TMEM108: variants seen among roughly 807,000 people sequenced by gnomAD.
The protein encoded by TMEM108 is cancer/testis antigen 124.
In TMEM108, 12 loss-of-function variants were observed where a neutral mutation model predicts 35.1. That is an observed-to-expected ratio of 0.34 (90% confidence interval 0.22 to 0.55). The LOEUF is 0.55. Among genes scored for constraint, TMEM108 ranks in the 20% least tolerant of loss-of-function variants. The probability of loss-of-function intolerance (pLI) is 0.89; values close to 1 mark genes in which losing one functional copy is unlikely to be tolerated. For synonymous variants in TMEM108, 287 were observed against 308.6 expected, an observed-to-expected ratio of 0.93 and a Z score of 0.73; for missense variants, 680 against 753.3, an observed-to-expected ratio of 0.90 and a Z score of 1.14.
At chr3:133,271,381 T>A (rs1266841550) in intron 3 of TMEM108, among the ~76,000 whole-genome samples, 1 of 152,242 alleles carries the variant, frequency 6.6e-6, no homozygotes, top group Non-Finnish European at 1.5e-5. Context: ...ACCTTTTCAA[T>A]ACTATGTTCA....
chr3:133,359,984 G>A (rs2072293992), intron 3 of TMEM108, among the ~76,000 whole-genome samples: 1 of 129,806 alleles, frequency 7.7e-6, no homozygotes, highest in East Asian at 2.6e-4. Context: ...TCATATCCCT[G>A]TAATGGAATA....
intron 3 of TMEM108, among the ~76,000 whole-genome samples, chr3:133,235,014 G>A (rs1262537090): frequency 7.3e-5 from 11 of 150,920 alleles, no homozygotes; most frequent in East Asian, 1.9e-4. Flanking sequence ...TGCTTCAAAG[G>A]GAATAAAATA....
chr3:133,369,318 G>A (rs1017077333), intron 3 of TMEM108, among the ~76,000 whole-genome samples: 3 of 152,320 alleles, frequency 2.0e-5, no homozygotes, highest in South Asian at 2.1e-4. Context: ...CATCATCACC[G>A]AGCAGGAAGG....
intron 2 of TMEM108, among the ~76,000 whole-genome samples, chr3:133,115,939 A>T (rs1458392682): frequency 6.6e-6 from 1 of 152,182 alleles, no homozygotes; most frequent in Non-Finnish European, 1.5e-5. Flanking sequence ...TGTCTTATTC[A>T]ACTGATTTCA....
At chr3:133,046,715 T>C (rs1943344093) in intron 2 of TMEM108, among the ~76,000 whole-genome samples, 1 of 152,174 alleles carries the variant, frequency 6.6e-6, no homozygotes, top group South Asian at 2.1e-4. Flanking sequence ...ATTAACTGTT[T>C]GGTGTGGAAA....
intron 4 of TMEM108, among the ~76,000 whole-genome samples, chr3:133,385,533 C>T (rs2073126398): frequency 6.6e-6 from 1 of 152,232 alleles, no homozygotes; most frequent in Non-Finnish European, 1.5e-5. Flanking sequence ...CCTCAGCCTC[C>T]AAAGGAGGGA....
At chr3:133,230,488 T>G (rs1013429663) in intron 3 of TMEM108, among the ~76,000 whole-genome samples, 1 of 152,190 alleles carries the variant, frequency 6.6e-6, no homozygotes, top group African/African-American at 2.4e-5. Flanking sequence ...TGTTGCTTTT[T>G]AAAAAATGAT....
chr3:133,118,801 A>C (rs1467397040), intron 2 of TMEM108, among the ~76,000 whole-genome samples: 1 of 152,142 alleles, frequency 6.6e-6, no homozygotes, highest in Non-Finnish European at 1.5e-5. Context: ...AGGGTGTTTC[A>C]GTTTACCGTA....
At chr3:133,219,138 C>T (rs116661630) in intron 2 of TMEM108, among the ~76,000 whole-genome samples, 1,967 of 152,168 alleles carry the variant, frequency 0.013, 26 homozygotes, top group Non-Finnish European at 0.019. Context: ...GAAGTTTATC[C>T]ATTTCTTCTA....
chr3:133,306,016 A>G (rs1304218023), intron 3 of TMEM108, among the ~76,000 whole-genome samples: 1 of 152,074 alleles, frequency 6.6e-6, no homozygotes, highest in African/African-American at 2.4e-5. Context: ...TGTTATGCAG[A>G]TATTTTCTCC....
chr3:133,166,191 G>A (rs1174087922), intron 2 of TMEM108, among the ~76,000 whole-genome samples: 3 of 152,182 alleles, frequency 2.0e-5, no homozygotes, highest in Non-Finnish European at 4.4e-5. Flanking sequence ...GTTTTTGTTG[G>A]AGGGTAGGGT....
At chr3:133,066,267 G>C (rs1943606037) in intron 2 of TMEM108, among the ~76,000 whole-genome samples, 1 of 152,024 alleles carries the variant, frequency 6.6e-6, no homozygotes, top group African/African-American at 2.4e-5. Flanking sequence ...TGTTGTGTGT[G>C]CCTGGTTGCA....
Position 133,395,941 on chromosome 3 carries a change from T to C in TMEM108, c.1683T>C (p.Cys561=). 2.5e-6 allele frequency: 4 copies of C among 1,606,848 alleles called. No individual in the cohort carries two copies. The highest frequency in any genetic ancestry group is 3.4e-6 in the Non-Finnish European group (4 of 1,177,014). ...DTGMVLVNPF[C]QETLFVGNDQ... ...GGATGGTCCTTGTTAACCCCTTCTG[T>C]CAAGAAACACTGTTTGTGGGAAACG... is the stretch of plus-strand genomic sequence containing the variant. The change falls in exon 6 of 6, where the codon TGT becomes TGC. Residue 561 remains cysteine, a synonymous_variant. Transcript: ENST00000321871.
chr3:133,308,537 C>T (rs1393108417), intron 3 of TMEM108, among the ~76,000 whole-genome samples: 3 of 152,136 alleles, frequency 2.0e-5, no homozygotes, highest in Non-Finnish European at 4.4e-5. Flanking sequence ...TATGTTCCAT[C>T]AATACCTAGT....
chr3:133,370,937 G>A (rs2072650072), intron 3 of TMEM108, among the ~76,000 whole-genome samples: 1 of 131,688 alleles, frequency 7.6e-6, no homozygotes, highest in African/African-American at 2.8e-5. Flanking sequence ...GAAGCTTCAT[G>A]GCCCTCCTAG....
At chr3:133,172,792 C>T (rs1006393812) in intron 2 of TMEM108, among the ~76,000 whole-genome samples, 8 of 152,114 alleles carry the variant, frequency 5.3e-5, no homozygotes, top group African/African-American at 1.9e-4. Context: ...CTTCAATTCC[C>T]ATGTATTGCA....
chr3:133,369,992 A>G (rs2072609922), intron 3 of TMEM108, among the ~76,000 whole-genome samples: 2 of 152,194 alleles, frequency 1.3e-5, no homozygotes, highest in Non-Finnish European at 1.5e-5. Flanking sequence ...AGTTTTAACT[A>G]TACAGAAAAG....
At chr3:133,332,358 A>T (rs1039488366) in intron 3 of TMEM108, among the ~76,000 whole-genome samples, 1 of 152,186 alleles carries the variant, frequency 6.6e-6, no homozygotes, top group South Asian at 2.1e-4. Flanking sequence ...GCCACTCCTC[A>T]TATTAGGAAG....
At position 133,390,331 on chromosome 3, in the gene TMEM108, T is replaced by C. The variant is rs566147742; in HGVS notation, c.1602T>C (p.Ser534=). Residue 534 remains serine (S), a synonymous_variant, in exon 5 of 6, where the codon TCT becomes TCC. Transcript: ENST00000321871. The part of the protein sequence containing the change: ...LPREIQSLET[S]EDQLSEPRSP... The stretch of plus-strand genomic sequence containing the variant: ...GGGAGATCCAGTCCCTTGAAACCTC[T>C]GAGGTAATGAGCTTGAAAGTGCTGG... 5.6e-6 allele frequency: 9 copies of C among 1,614,028 alleles called. No homozygotes were observed. In the South Asian group the frequency reaches 8.8e-5, roughly 16 times the overall value.
Sources: gnomAD v4.1 joint callset for allele counts (sites outside exome capture counted in the v4.1 genomes callset) on GRCh38, gnomAD v4.1.1 for gene constraint, MANE v1.5 for transcripts, NCBI Gene and HGNC (gene_info 2026-07-23, HGNC 2026-07-21) for gene names.